ANKS1B: variants seen among roughly 807,000 people sequenced by gnomAD.
ANKS1B encodes ankyrin repeat and sterile alpha motif domain-containing protein 1B.
A neutral mutation model predicts 148.3 loss-of-function variants in ANKS1B; 36 were observed. The ratio of observed to expected loss-of-function variants is 0.24; its 90% CI spans 0.19 to 0.32. The LOEUF (loss-of-function observed/expected upper bound fraction) is 0.32. Ranked by LOEUF, ANKS1B falls within the 10% of genes least tolerant of loss-of-function variation. The pLI is 1.00. For synonymous variants in ANKS1B, 542 were observed against 560.8 expected, an observed-to-expected ratio of 0.97 and a Z score of 0.47; for missense variants, 1,157 against 1,542.6, an observed-to-expected ratio of 0.75 and a Z score of 4.19.
At chr12:99,417,979 G>A (rs946795802) in intron 11 of ANKS1B, among the ~76,000 whole-genome samples, 4 of 152,160 alleles carry the variant, frequency 2.6e-5, no homozygotes, top group African/African-American at 9.7e-5. Context: ...ACTTAAATCA[G>A]TTAAGCTGTC....
intron 12 of ANKS1B, among the ~76,000 whole-genome samples, chr12:99,313,028 A>C (rs2083405627): frequency 6.6e-6 from 1 of 152,174 alleles, no homozygotes; most frequent in South Asian, 2.1e-4. Flanking sequence ...ACTGCTAACT[A>C]GACTAATAAG....
intron 1 of ANKS1B, among the ~76,000 whole-genome samples, chr12:99,900,836 T>C (rs1454739491): frequency 1.3e-5 from 2 of 152,204 alleles, no homozygotes; most frequent in Admixed American, 6.5e-5. Context: ...CAGTTAATGT[T>C]TGACAAATGA....
At chr12:99,426,493 C>T (rs1334631332) in intron 11 of ANKS1B, among the ~76,000 whole-genome samples, 1 of 151,102 alleles carries the variant, frequency 6.6e-6, no homozygotes, top group Non-Finnish European at 1.5e-5. Context: ...TCTAAGAATT[C>T]ATGTCAAATT....
At chr12:98,935,614 T>C (rs952563869) in intron 17 of ANKS1B, among the ~76,000 whole-genome samples, 7 of 152,328 alleles carry the variant, frequency 4.6e-5, no homozygotes, top group African/African-American at 1.7e-4. Context: ...TGGGATTTTC[T>C]TTGTTAGGAG....
chr12:99,590,258 C>CCCACA (rs1555503129), intron 9 of ANKS1B, among the ~76,000 whole-genome samples: 1 of 132,806 alleles, frequency 7.5e-6, no homozygotes, highest in Non-Finnish European at 1.6e-5. Context: ...CCACACCCAC[C>CCCACA]CACACACACA....
chr12:99,979,958 T>C (rs2095674410), intron 1 of ANKS1B, among the ~76,000 whole-genome samples: 1 of 151,820 alleles, frequency 6.6e-6, no homozygotes, highest in African/African-American at 2.4e-5. Flanking sequence ...ATTACATCTC[T>C]GGATGATACA....
intron 17 of ANKS1B, among the ~76,000 whole-genome samples, chr12:98,999,983 G>A (rs2099931936): frequency 6.6e-6 from 1 of 152,080 alleles, no homozygotes; most frequent in African/African-American, 2.4e-5. Context: ...CTCTTTAGAA[G>A]CCAAGATAGG....
At chr12:99,438,968 T>C (rs1299947753) in intron 11 of ANKS1B, among the ~76,000 whole-genome samples, 1 of 151,868 alleles carries the variant, frequency 6.6e-6, no homozygotes, top group Non-Finnish European at 1.5e-5. Context: ...GGAAGTTATT[T>C]TTTAAAAAAG....
At chr12:99,651,698 C>T (rs1288489004) in intron 9 of ANKS1B, among the ~76,000 whole-genome samples, 6 of 152,108 alleles carry the variant, frequency 3.9e-5, no homozygotes, top group Non-Finnish European at 8.8e-5. Flanking sequence ...GTTCCTAGGT[C>T]ACAGTTTTCT....
chr12:98,887,035 T>G (rs908629300), intron 17 of ANKS1B, among the ~76,000 whole-genome samples: 2 of 152,130 alleles, frequency 1.3e-5, no homozygotes, highest in African/African-American at 2.4e-5. Flanking sequence ...GAAGATATAC[T>G]AAAGGGCTGG....
intron 1 of ANKS1B, among the ~76,000 whole-genome samples, chr12:99,854,078 T>G (rs2153709896): frequency 6.6e-6 from 1 of 152,352 alleles, no homozygotes; most frequent in South Asian, 2.1e-4. Context: ...TGGTGCGATC[T>G]CGGCTCATGT....
At chr12:98,895,313 C>A in intron 17 of ANKS1B, 1 of 985,250 alleles carries the variant, frequency 1.0e-6, no homozygotes, top group Non-Finnish European at 1.2e-6. Context: ...TCCTCCGCCG[C>A]CCCCTCCGCG....
intron 4 of ANKS1B, among the ~76,000 whole-genome samples, chr12:99,789,321 C>A (rs1207403186): frequency 6.6e-6 from 1 of 152,140 alleles, no homozygotes; most frequent in African/African-American, 2.4e-5. Context: ...CAAGTCCCTT[C>A]AAATGCCTGG....
intron 12 of ANKS1B, among the ~76,000 whole-genome samples, chr12:99,399,278 A>G (rs182596159): frequency 3.9e-5 from 6 of 152,268 alleles, no homozygotes; most frequent in Admixed American, 1.3e-4. Flanking sequence ...CATCCTTGAT[A>G]TAAGTTCTCC....
intron 1 of ANKS1B, among the ~76,000 whole-genome samples, chr12:99,881,124 A>G (rs1198903970): frequency 1.3e-5 from 2 of 152,210 alleles, no homozygotes; most frequent in Non-Finnish European, 2.9e-5. Context: ...TACACCTGGT[A>G]CACCAAAACC....
intron 8 of ANKS1B, among the ~76,000 whole-genome samples, chr12:99,721,148 C>T (rs886442304): frequency 3.3e-5 from 5 of 152,154 alleles, no homozygotes; most frequent in African/African-American, 1.2e-4. Flanking sequence ...CCCCTTACCA[C>T]AAAATCTTCC....
intron 15 of ANKS1B, among the ~76,000 whole-genome samples, chr12:99,125,247 C>CA (rs1049965771): frequency 2.0e-5 from 3 of 152,032 alleles, no homozygotes; most frequent in Admixed American, 2.0e-4. Context: ...TCATTCATTC[C>CA]AAAAAGTTAA....
chr12:98,736,387 G>T (rs943775840), intron 9 of ANKS1B, among the ~76,000 whole-genome samples: 3 of 152,208 alleles, frequency 2.0e-5, no homozygotes, highest in African/African-American at 7.2e-5. Flanking sequence ...GACAAGAAAA[G>T]AATGATGCAA....
intron 8 of ANKS1B, among the ~76,000 whole-genome samples, chr12:99,693,189 A>G (rs2053383323): frequency 6.6e-6 from 1 of 152,234 alleles, no homozygotes; most frequent in South Asian, 2.1e-4. Context: ...AAGAAAGAGA[A>G]AACAATCACA....
Sources: allele counts gnomAD v4.1 joint callset (sites outside exome capture counted in the v4.1 genomes callset), GRCh38; gene constraint gnomAD v4.1.1; transcripts MANE v1.5; gene names NCBI Gene and HGNC (gene_info 2026-07-23, HGNC 2026-07-21).